The following PCDHGB3 variants were observed in gnomAD, a reference collection of about 807,000 sequenced individuals.
PCDHGB3 encodes protocadherin gamma-B3.
Under a neutral mutation model 59.2 loss-of-function variants are expected in PCDHGB3, and 40 were observed. The ratio of observed to expected loss-of-function variants is 0.68; its 90% confidence interval spans 0.52 to 0.88. PCDHGB3 has a LOEUF of 0.88. Among genes scored for constraint, PCDHGB3 ranks in the 40% least tolerant of loss-of-function variants. The probability of loss-of-function intolerance (pLI) is 0.00; values close to 1 mark genes in which losing one functional copy is unlikely to be tolerated. For missense variants in PCDHGB3, 1,309 were observed against 1,187.9 expected, an observed-to-expected ratio of 1.10 and a Z score of -1.50; for synonymous variants, 581 against 503.6, an observed-to-expected ratio of 1.15 and a Z score of -2.06.
Position 141,432,292 on chromosome 5 carries a change from T to C in PCDHGB3, c.2415+59483T>C, listed in dbSNP as rs1339412798. 2 of 1,614,078 alleles carry C rather than the reference T, an allele frequency of 1.2e-6. No individual in the cohort carries two copies. The highest frequency in any genetic ancestry group is 2.2e-5 in the East Asian group (1 of 44,888). On this transcript the variant is annotated intron_variant, in intron 1 of 3. Coordinates refer to ENST00000576222, the MANE Select transcript of PCDHGB3 (RefSeq NM_018924.5). The surrounding 1 kb of genome is among the most constrained non-coding windows in gnomAD (Gnocchi z 6.0). ...CCTACGTGTCCATCAACTCCGACAC[T>C]GGGGTACTGTATGCGCTGAGCTCCT...
chr5:141,419,694 G>T, intron 1 of PCDHGB3: 2 of 1,612,974 alleles, frequency 1.2e-6, no homozygotes, highest in South Asian at 1.1e-5. Context: ...GTGCAGGCCA[G>T]TGAGCCCGGG....
intron 1 of PCDHGB3, chr5:141,393,647 A>T: frequency 6.2e-7 from 1 of 1,613,964 alleles, no homozygotes; most frequent in Non-Finnish European, 8.5e-7. Context: ...GAAAAGTGGC[A>T]TACAAATTCC....
At chr5:141,488,348 C>T (rs1231687770) in intron 1 of PCDHGB3, among the ~76,000 whole-genome samples, 1 of 152,106 alleles carries the variant, frequency 6.6e-6, no homozygotes, top group Non-Finnish European at 1.5e-5. Flanking sequence ...TAGAAACAGC[C>T]ACCCTGTGCA....
rs1219684339 is a variant in PCDHGB3, at chr5:141,506,444, CAA to C, written c.2563+983_2563+984del. Among the ~76,000 whole-genome samples the C allele has an allele frequency of 5.9e-3, 564 of 95,004 alleles. 2 individuals carry two copies. The highest frequency in any genetic ancestry group is 0.013 in the African/African-American group (317 of 25,186). 62.3% of individuals were successfully genotyped at this position (95,004 alleles called of 152,430 possible). Reference sequence around the variant, plus strand: ...CCTGGGCAACAGTCTCGCTCTGTCTCAAAAAAAAAAAAAAAAAAAAAGAGCAC... The same window carrying C: ...CCTGGGCAACAGTCTCGCTCTGTCTCAAAAAAAAAAAAAAAAAAAGAGCAC... On this transcript the variant is annotated intron_variant, in intron 3 of 3. Transcript: ENST00000576222.
intron 1 of PCDHGB3, chr5:141,417,942 C>T (rs1324501154): frequency 2.5e-6 from 4 of 1,613,090 alleles, no homozygotes; most frequent in South Asian, 1.1e-5. Context: ...TTCTACCCCA[C>T]GCTGTGTGAG....
rs751153896 is a variant in PCDHGB3, at chr5:141,477,514, T to C, written c.2416-17293T>C. On this transcript the variant is annotated intron_variant, in intron 1 of 3. Transcript: ENST00000576222. The surrounding 1 kb of genome is among the most constrained non-coding windows in gnomAD (Gnocchi z 4.9). ...CTCAATCTTCCTACGACGTTTACAT[T>C]GAAGAAAACAACCTCCCCGGGGCTC... is the stretch of plus-strand genomic sequence containing the variant. 2 of 1,614,114 alleles carry C rather than the reference T, an allele frequency of 1.2e-6. No individual in the cohort carries two copies. The highest frequency in any genetic ancestry group is 2.2e-5 in the East Asian group (1 of 44,878).
At chr5:141,406,070 T>A (rs1451280596) in intron 1 of PCDHGB3, among the ~76,000 whole-genome samples, 1 of 136,270 alleles carries the variant, frequency 7.3e-6, no homozygotes, top group Admixed American at 7.2e-5. Flanking sequence ...AAATTCTTAC[T>A]CCTTTTTTTT....
intron 1 of PCDHGB3, chr5:141,410,284 G>A (rs2095374455): frequency 1.2e-6 from 2 of 1,613,990 alleles, no homozygotes; most frequent in Non-Finnish European, 1.7e-6. Flanking sequence ...ACCTGGTGGT[G>A]GCCTTGGCCT....
chr5:141,420,613 A>G (rs536307424), intron 1 of PCDHGB3, among the ~76,000 whole-genome samples: 53 of 152,194 alleles, frequency 3.5e-4, no homozygotes, highest in Non-Finnish European at 1.9e-4. Flanking sequence ...CAAGTATTTC[A>G]TCTTCATTTA....
rs888457230 is a variant in PCDHGB3, at chr5:141,493,727, C to T, written c.2416-1080C>T. On this transcript the variant is annotated intron_variant, in intron 1 of 3. Transcript: ENST00000576222. This position sits in a 1 kb window ranked among gnomAD's most constrained non-coding sequence, Gnocchi z 4.3. ...TGGAATGCTAGGTTTCTGGGTTCTG[C>T]TCATATCACTGCCACCTGTGAGCCT... Among the ~76,000 whole-genome samples, 2 of 152,184 alleles carry T rather than the reference C, an allele frequency of 1.3e-5. No homozygotes were observed. Among genetic ancestry groups the T allele is most frequent in the Admixed American group, 6.5e-5 (1 of 15,280 alleles).
chr5:141,485,431 C>G lies in PCDHGB3; in HGVS notation c.2416-9376C>G, dbSNP rs1594481071. ...ATTTGGACAGCGGAGCCCTGCTCAT[C>G]AAGAACCCAATCGACCGAGAGGCAC... On this transcript the variant is annotated intron_variant, in intron 1 of 3. Coordinates refer to ENST00000576222, the MANE Select transcript of PCDHGB3 (RefSeq NM_018924.5). The surrounding 1 kb of genome is among the most constrained non-coding windows in gnomAD (Gnocchi z 5.7). 8.7e-6 allele frequency: 14 copies of G among 1,614,198 alleles called. No homozygotes were observed. Among genetic ancestry groups the G allele is most frequent in the Non-Finnish European group, 1.1e-5 (13 of 1,180,038 alleles).
At chr5:141,388,814 C>A in intron 1 of PCDHGB3, 1 of 1,613,826 alleles carries the variant, frequency 6.2e-7, no homozygotes, top group Non-Finnish European at 8.5e-7. Context: ...TTGAAGAAGT[C>A]AAAGAATATT....
chr5:141,417,572 G>T, intron 1 of PCDHGB3: 1 of 376,228 alleles, frequency 2.7e-6, no homozygotes, highest in East Asian at 4.1e-5. Flanking sequence ...AAGTCAAGTT[G>T]CAGTCCCACA....
Position 141,485,164 on chromosome 5 carries a change from G to A in PCDHGB3, c.2416-9643G>A, listed in dbSNP as rs2099608516. 2 of 1,605,832 alleles carry A rather than the reference G, an allele frequency of 1.2e-6. No homozygotes were observed. Among genetic ancestry groups the A allele is most frequent in the Admixed American group, 1.7e-5 (1 of 59,836 alleles). On this transcript the variant is annotated intron_variant, in intron 1 of 3. Coordinates refer to ENST00000576222, the MANE Select transcript of PCDHGB3 (RefSeq NM_018924.5). This position sits in a 1 kb window ranked among gnomAD's most constrained non-coding sequence, Gnocchi z 5.7. ...CTCAGGAGCAAGTAGAGAATTAGCG[G>A]GCGGCAGCAATGCTCCGCAAGGTGA...
At chr5:141,509,670 T>G (rs2099877782) in intron 3 of PCDHGB3, among the ~76,000 whole-genome samples, 1 of 152,136 alleles carries the variant, frequency 6.6e-6, no homozygotes, top group African/African-American at 2.4e-5. Flanking sequence ...TGGGCCCCAG[T>G]TTCTTCTTCT....
intron 1 of PCDHGB3, chr5:141,398,058 T>C (rs921277104): frequency 2.0e-6 from 3 of 1,525,504 alleles, no homozygotes; most frequent in African/African-American, 1.4e-5. Flanking sequence ...GATCCAAAAA[T>C]CTACAATACA....
At position 141,372,698 on chromosome 5, in the gene PCDHGB3, C is replaced by A; in HGVS notation, c.2304C>A (p.Leu768=). ...SHSSNTEFKF[L]NIKAENAAPQ... ...CCTCAAACACCGAGTTTAAATTTCT[C>A]AATATAAAGGCTGAAAATGCTGCAC... Residue 768 remains leucine, a synonymous_variant, in exon 1 of 4, where the codon CTC becomes CTA. Transcript: ENST00000576222. 1 of 1,613,986 alleles carries A rather than the reference C, an allele frequency of 6.2e-7. No individual in the cohort carries two copies. Among genetic ancestry groups the A allele is most frequent in the Non-Finnish European group, 8.5e-7 (1 of 1,179,878 alleles).
At chr5:141,434,698 A>G (rs2097710714) in intron 1 of PCDHGB3, among the ~76,000 whole-genome samples, 1 of 152,070 alleles carries the variant, frequency 6.6e-6, no homozygotes, top group South Asian at 2.1e-4. Context: ...GTTAATAAAT[A>G]TGTGGGTAAA....
At chr5:141,375,579 C>G in intron 1 of PCDHGB3, 1 of 1,614,114 alleles carries the variant, frequency 6.2e-7, no homozygotes, top group South Asian at 1.1e-5. Flanking sequence ...CTCCAGGGGG[C>G]GCCCCTGTCC....
Sources: allele counts gnomAD v4.1 joint callset (sites outside exome capture counted in the v4.1 genomes callset), GRCh38; gene constraint gnomAD v4.1.1; non-coding constraint Gnocchi (gnomAD v3.1); transcripts MANE v1.5; gene names NCBI Gene and HGNC (gene_info 2026-07-23, HGNC 2026-07-21).